The following EML4 variants were observed in gnomAD, a reference collection of about 807,000 sequenced individuals.
The protein encoded by EML4 is EMAP like 4.
Under a neutral mutation model 129.0 loss-of-function variants are expected in EML4, and 72 were observed. The ratio of observed to expected loss-of-function variants is 0.56; its 90% CI spans 0.46 to 0.68. EML4 has a LOEUF of 0.68. EML4 is among the 30% of genes least tolerant of loss of function. The probability of loss-of-function intolerance (pLI) is 0.00; values close to 1 mark genes in which losing one functional copy is unlikely to be tolerated. For synonymous variants in EML4, 532 were observed against 405.0 expected, an observed-to-expected ratio of 1.31 and a Z score of -3.77; for missense variants, 1,363 against 1,190.6, an observed-to-expected ratio of 1.14 and a Z score of -2.13.
At chr2:42,248,990 C>A (rs1675594460) in intron 2 of EML4, among the ~76,000 whole-genome samples, 1 of 152,106 alleles carries the variant, frequency 6.6e-6, no homozygotes. Flanking sequence ...ATGTTATTGG[C>A]AACTCTGAAC....
chr2:42,297,764 C>T (rs1425540701), intron 13 of EML4, among the ~76,000 whole-genome samples: 2 of 152,196 alleles, frequency 1.3e-5, no homozygotes, highest in Non-Finnish European at 2.9e-5. Context: ...TTTGAGTGTA[C>T]TGTGACATCC....
intron 1 of EML4, among the ~76,000 whole-genome samples, chr2:42,241,053 A>C (rs146890737): frequency 1.3e-3 from 200 of 152,238 alleles, no homozygotes; most frequent in South Asian, 2.5e-3. Context: ...AGCCTCAGCT[A>C]ATAGAATCTG....
intron 1 of EML4, 143 bp from the exon 2 acceptor site, chr2:42,245,362 C>A (rs1462599519): frequency 4.2e-6 from 3 of 710,638 alleles, no homozygotes; most frequent in Non-Finnish European, 6.8e-6. Context: ...CCTCAAAGTT[C>A]TGGAAGTACA....
chr2:42,233,895 A>G (rs1158147263), intron 1 of EML4, among the ~76,000 whole-genome samples: 1 of 152,268 alleles, frequency 6.6e-6, no homozygotes, highest in Admixed American at 6.5e-5. Flanking sequence ...ATTTCCTACT[A>G]GGAAAAATAC....
chr2:42,175,527 G>C (rs1670549383), intron 1 of EML4, among the ~76,000 whole-genome samples: 1 of 150,410 alleles, frequency 6.6e-6, no homozygotes, highest in Admixed American at 6.6e-5. Flanking sequence ...TTTTGAGACA[G>C]AGTTTCTGTC....
At chr2:42,287,454 A>T (rs1313917029) in intron 10 of EML4, among the ~76,000 whole-genome samples, 1 of 152,162 alleles carries the variant, frequency 6.6e-6, no homozygotes, top group Admixed American at 6.5e-5. Context: ...TAATTCAGAT[A>T]ATATTCCAAT....
intron 8 of EML4, among the ~76,000 whole-genome samples, chr2:42,284,162 G>A (rs767185709): frequency 5.9e-5 from 9 of 152,216 alleles, no homozygotes; most frequent in Non-Finnish European, 1.3e-4. Context: ...GATGCTCATT[G>A]CTGTTTTCTT....
chr2:42,303,847 C>T (rs1430791234), intron 16 of EML4, among the ~76,000 whole-genome samples: 2 of 152,208 alleles, frequency 1.3e-5, no homozygotes, highest in African/African-American at 4.8e-5. Context: ...ATGGCATGAA[C>T]CCGGGAGGCG....
chr2:42,256,665 G>A (rs1446306764), intron 3 of EML4, 35 bp downstream of exon 3: 3 of 1,610,754 alleles, frequency 1.9e-6, no homozygotes, highest in Admixed American at 1.7e-5. Flanking sequence ...AACTAACATT[G>A]CAGAATTGTC....
intron 1 of EML4, among the ~76,000 whole-genome samples, chr2:42,229,077 C>G (rs902051506): frequency 1.3e-5 from 2 of 151,862 alleles, no homozygotes; most frequent in Non-Finnish European, 2.9e-5. Flanking sequence ...ATCGTGTACC[C>G]TAGGTACCTG....
At chr2:42,280,594 G>T (rs1164878223) in intron 6 of EML4, among the ~76,000 whole-genome samples, 1 of 152,172 alleles carries the variant, frequency 6.6e-6, no homozygotes, top group African/African-American at 2.4e-5. Context: ...AAATATACAG[G>T]TTATATGTGA....
chr2:42,258,890 G>A (rs185197733), intron 3 of EML4, among the ~76,000 whole-genome samples: 226 of 152,268 alleles, frequency 1.5e-3, no homozygotes, highest in African/African-American at 5.3e-3. Flanking sequence ...TATTTAAAAT[G>A]TTCTTGAACA....
At chr2:42,288,363 T>A (rs1290738460) in intron 11 of EML4, 41 bp downstream of exon 11, 4 of 1,009,274 alleles carry the variant, frequency 4.0e-6, no homozygotes, top group Non-Finnish European at 6.1e-6. Flanking sequence ...TTAGAGTACG[T>A]TACTTGTTTT....
intron 5 of EML4, among the ~76,000 whole-genome samples, chr2:42,264,103 GTTTTTTTTTTTTT>G (rs9309080): frequency 1.3e-4 from 13 of 100,752 alleles, no homozygotes; most frequent in Non-Finnish European, 2.0e-4. Flanking sequence ...AACAATACGT[GTTTTTTTTTTTTT>G]TTTTTTTTTT....
At chr2:42,303,052 G>A in intron 14 of EML4, 52 bp from the exon 15 acceptor site, 4 of 1,566,432 alleles carry the variant, frequency 2.6e-6, no homozygotes, top group Non-Finnish European at 3.5e-6. Flanking sequence ...GCTTCGAGTA[G>A]TAATTAATGC....
At chr2:42,269,179 C>A (rs185631982) in intron 6 of EML4, among the ~76,000 whole-genome samples, 1 of 152,152 alleles carries the variant, frequency 6.6e-6, no homozygotes. Flanking sequence ...ATTAAAAATA[C>A]TTGAAAAGTC....
intron 2 of EML4, among the ~76,000 whole-genome samples, chr2:42,246,337 T>C (rs543685065): frequency 2.6e-5 from 4 of 152,306 alleles, no homozygotes; most frequent in South Asian, 2.1e-4. Flanking sequence ...TTTGAACATA[T>C]CATTTGATGT....
intron 1 of EML4, among the ~76,000 whole-genome samples, chr2:42,213,146 G>A (rs1287402603): frequency 6.6e-6 from 1 of 152,090 alleles, no homozygotes; most frequent in African/African-American, 2.4e-5. Context: ...ACTTTTAATT[G>A]AAGTCTACCT....
intron 7 of EML4, among the ~76,000 whole-genome samples, chr2:42,281,540 A>G (rs913690085): frequency 3.3e-5 from 5 of 152,230 alleles, no homozygotes; most frequent in African/African-American, 1.2e-4. Flanking sequence ...CTAGACTGGA[A>G]CTGGAAGACT....
Sources: gnomAD v4.1 joint callset for allele counts (sites outside exome capture counted in the v4.1 genomes callset) on GRCh38, gnomAD v4.1.1 for gene constraint, MANE v1.5 for transcripts, NCBI Gene and HGNC (gene_info 2026-07-23, HGNC 2026-07-21) for gene names.